LAMA4: variants seen among roughly 807,000 people sequenced by gnomAD.
LAMA4 encodes the protein laminin subunit alpha-4.
A neutral mutation model predicts 207.1 loss-of-function variants in LAMA4; 127 were observed. The observed-to-expected ratio is 0.61, with a 90% CI of 0.53 to 0.71. The LOEUF (loss-of-function observed/expected upper bound fraction) is 0.71, where lower values mean the gene tolerates loss of function less well. LAMA4 is among the 30% of genes least tolerant of loss of function. LAMA4 has a pLI of 0.00. For missense variants in LAMA4, 2,093 were observed against 2,246.5 expected (o/e 0.93, Z 1.38); for synonymous variants, 761 against 816.0 (o/e 0.93, Z 1.15).
At chr6:112,233,837 T>G (rs1190496794) in intron 2 of LAMA4, among the ~76,000 whole-genome samples, 1 of 152,242 alleles carries the variant, frequency 6.6e-6, no homozygotes, top group East Asian at 1.9e-4. Context: ...ACTTTTTTTC[T>G]ACTTGCTGGG....
chr6:112,183,356 G>A (rs1218167519), intron 9 of LAMA4, among the ~76,000 whole-genome samples: 2 of 152,124 alleles, frequency 1.3e-5, no homozygotes, highest in Admixed American at 1.3e-4. Flanking sequence ...GCACCATCAG[G>A]ACTGTGGTCA....
rs141596342 is a variant in LAMA4 at position 112,212,444 on chromosome 6, G to A, written c.297+3924C>T. Among the ~76,000 whole-genome samples, 448 of 152,110 alleles carry A rather than the reference G, an allele frequency of 2.9e-3. 2 individuals carry two copies. Among genetic ancestry groups the A allele is most frequent in the African/African-American group, 0.01 (426 of 41,480 alleles). On this transcript the variant is annotated intron_variant, in intron 3 of 38. Coordinates refer to ENST00000230538, the MANE Select transcript of LAMA4 (RefSeq NM_001105206.3). ...TTGCCCTGTTGGCCAGGATGGTCTCGAACACCTGACCTCAGGTGATCCTCC... is the reference window on the plus strand; with the variant it reads ...TTGCCCTGTTGGCCAGGATGGTCTCAAACACCTGACCTCAGGTGATCCTCC...
In LAMA4 at chr6:112,139,866, A is replaced by T; in HGVS notation, c.2996T>A (p.Leu999Gln). Residue 999 changes from leucine to glutamine, a missense_variant, in exon 23 of 39, where the codon CTG (leucine) becomes CAG (glutamine). Transcript: ENST00000230538. ...SNFKLPTSLNLPGFVGCLELA... is the reference protein window; with the variant it reads ...SNFKLPTSLNQPGFVGCLELA... The stretch of plus-strand genomic sequence containing the variant: ...TTCCAGGCAGCCAACAAAGCCAGGC[A>T]GGTTTAAGCTGGTAGGGAGCTATGC... 6.2e-7 allele frequency: 1 copy of T among 1,614,124 alleles called. No individual in the cohort carries two copies. The highest frequency in any genetic ancestry group is 8.5e-7 in the Non-Finnish European group (1 of 1,179,982).
intron 22 of LAMA4, 77 bp downstream of exon 22, chr6:112,140,683 G>A (rs1003342820): frequency 7.2e-7 from 1 of 1,380,532 alleles, no homozygotes; most frequent in Non-Finnish European, 1.0e-6. Context: ...CAACCCCCAA[G>A]TCATTATAGG....
intron 36 of LAMA4, among the ~76,000 whole-genome samples, chr6:112,115,253 A>G (rs1268751978): frequency 6.6e-6 from 1 of 152,186 alleles, no homozygotes; most frequent in Admixed American, 6.5e-5. Flanking sequence ...GTAGGGATAC[A>G]TTTTATTGTG....
intron 12 of LAMA4, among the ~76,000 whole-genome samples, chr6:112,168,700 G>A (rs1781540971): frequency 6.6e-6 from 1 of 151,986 alleles, no homozygotes; most frequent in Admixed American, 6.6e-5. Flanking sequence ...TCTTATACAT[G>A]CGAACAAGTG....
At chr6:112,186,733 CT>C (rs1562708568) in intron 8 of LAMA4, 1 of 447,336 alleles carries the variant, frequency 2.2e-6, no homozygotes, top group Non-Finnish European at 4.4e-6. Context: ...CTGTATTTTT[CT>C]TTTTTAATTG....
At chr6:112,143,995 C>T (rs1393895113) in intron 19 of LAMA4, among the ~76,000 whole-genome samples, 1 of 152,174 alleles carries the variant, frequency 6.6e-6, no homozygotes, top group Non-Finnish European at 1.5e-5. Flanking sequence ...ATTTCTAACT[C>T]TTCTTTCTGT....
intron 2 of LAMA4, among the ~76,000 whole-genome samples, chr6:112,239,845 C>T (rs1254902227): frequency 6.6e-6 from 1 of 152,026 alleles, no homozygotes; most frequent in Non-Finnish European, 1.5e-5. Flanking sequence ...GGGCGGATCA[C>T]GAGGTCATGA....
intron 2 of LAMA4, among the ~76,000 whole-genome samples, chr6:112,240,388 T>C (rs1583989431): frequency 6.6e-6 from 1 of 152,318 alleles, no homozygotes; most frequent in African/African-American, 2.4e-5. Flanking sequence ...TCATTTATCC[T>C]TTGAGTCACA....
chr6:112,143,243 A>G (rs1427319163), intron 19 of LAMA4, among the ~76,000 whole-genome samples: 1 of 150,624 alleles, frequency 6.6e-6, no homozygotes, highest in Non-Finnish European at 1.5e-5. Flanking sequence ...AAATGACTGG[A>G]GTGCAGCTGT....
intron 13 of LAMA4, chr6:112,159,347 C>G (rs1780917803): frequency 5.7e-6 from 1 of 174,582 alleles, no homozygotes. Flanking sequence ...ATCTAAGTTA[C>G]TAAATCTAAT....
chr6:112,137,662 G>A (rs1779434325), intron 24 of LAMA4, among the ~76,000 whole-genome samples: 2 of 152,142 alleles, frequency 1.3e-5, no homozygotes, highest in Admixed American at 6.5e-5. Flanking sequence ...TGATATAACC[G>A]AAATAATAGA....
Position 112,119,175 on chromosome 6 carries a change from T to C in LAMA4, c.4802A>G (p.Lys1601Arg). The C allele has an allele frequency of 6.2e-7, 1 of 1,613,972 alleles. No individual in the cohort carries two copies. The highest frequency in any genetic ancestry group is 1.1e-5 in the South Asian group (1 of 91,088). The change falls in exon 34 of 39, where the codon AAG becomes AGG. Residue 1601 changes from lysine to arginine, a missense_variant. Coordinates refer to ENST00000230538, the MANE Select transcript of LAMA4 (RefSeq NM_001105206.3). The part of the protein sequence containing the change: ...PIYLGGVAPG[K>R]AVKNVQINSI... The stretch of plus-strand genomic sequence containing the variant: ...GCTTACCTGAACATTTTTCACAGCC[T>C]TTCCAGGAGCCACACCTCCCAAATA...
intron 2 of LAMA4, chr6:112,216,765 C>T (rs188842518): frequency 4.0e-4 from 159 of 393,510 alleles, no homozygotes; most frequent in African/African-American, 2.4e-3. Context: ...GAAGGTATTA[C>T]GTAACAGTAA....
chr6:112,203,616 C>A (rs797041014), intron 4 of LAMA4, among the ~76,000 whole-genome samples: 23 of 152,200 alleles, frequency 1.5e-4, no homozygotes, highest in African/African-American at 5.5e-4. Context: ...GTTCCATGAC[C>A]ACAGATGAAC....
rs1779164821 is a variant in LAMA4 at position 112,133,506 on chromosome 6, C to T, written c.3558-19G>A. ...GAGGGCCCTGGAAAAGAAAGTCAGC[C>T]TCACTGATACAGCCATGATGATGAT... On this transcript the variant is annotated intron_variant, in intron 26 of 38. Transcript: ENST00000230538. The T allele has an allele frequency of 1.2e-6, 2 of 1,613,390 alleles. No individual in the cohort carries two copies. Among genetic ancestry groups the T allele is most frequent in the Non-Finnish European group, 1.7e-6 (2 of 1,179,480 alleles).
At chr6:112,249,490 G>T (rs1787273005) in intron 2 of LAMA4, among the ~76,000 whole-genome samples, 1 of 133,684 alleles carries the variant, frequency 7.5e-6, no homozygotes, top group Admixed American at 7.4e-5. Context: ...ACTTTGACTA[G>T]AAGTATTCCT....
rs1232735546 is a variant in LAMA4, at chr6:112,186,731, TTC to T, written c.966+717_966+718del. On this transcript the variant is annotated intron_variant, in intron 8 of 38. Transcript: ENST00000230538. ...TGTAAATAGTTGTTACACTGTATTT[TTC>T]TTTTTTAATTGTTGCATTATTTTTT... 6.5e-5 allele frequency: 29 copies of T among 447,922 alleles called. No homozygotes were observed. In the Admixed American group the frequency reaches 7.0e-4, roughly 11 times the overall value. The allele number at this position is 447,922 out of a possible 1,614,324, so 27.7% of individuals were successfully genotyped here.
Sources: allele counts gnomAD v4.1 joint callset (sites outside exome capture counted in the v4.1 genomes callset), GRCh38; gene constraint gnomAD v4.1.1; transcripts MANE v1.5; gene names NCBI Gene and HGNC (gene_info 2026-07-23, HGNC 2026-07-21).